ZNF227: variants seen among roughly 807,000 people sequenced by gnomAD.
The protein encoded by ZNF227 is zinc finger protein 227.
ZNF227 carries 12 observed loss-of-function variants against 13.2 expected under a neutral mutation model. The observed-to-expected ratio is 0.91, with a 90% confidence interval of 0.58 to 1.47. ZNF227 has a LOEUF of 1.47. Ranked by LOEUF, ZNF227 falls within the 40% of genes most tolerant of loss-of-function variation. The probability of loss-of-function intolerance (pLI) is 0.00; values close to 1 mark genes in which losing one functional copy is unlikely to be tolerated. For missense variants in ZNF227, 885 were observed against 967.5 expected (o/e 0.91, Z 1.13); for synonymous variants, 338 against 326.0 (o/e 1.04, Z -0.40).
chr19:44,220,026 C>T (rs1429993071), intron 3 of ZNF227, among the ~76,000 whole-genome samples: 4 of 151,796 alleles, frequency 2.6e-5, no homozygotes, highest in Non-Finnish European at 5.9e-5. Flanking sequence ...TGAGAACATG[C>T]AGCGTTTGGT....
intron 4 of ZNF227, 37 bp from the exon 5 acceptor site, chr19:44,229,696 G>T: frequency 6.9e-7 from 1 of 1,458,604 alleles, no homozygotes; most frequent in Non-Finnish European, 9.3e-7. Flanking sequence ...TTAGTTGTGT[G>T]TTCATCTTAA....
chr19:44,208,205 C>A (rs1218618162), upstream of ZNF227, among the ~76,000 whole-genome samples: 1 of 152,136 alleles, frequency 6.6e-6, no homozygotes. Flanking sequence ...CTACTTTTGA[C>A]CACTATGTAC....
intron 3 of ZNF227, among the ~76,000 whole-genome samples, chr19:44,223,737 TG>T (rs1387220278): frequency 1.3e-5 from 2 of 152,130 alleles, no homozygotes; most frequent in Non-Finnish European, 1.5e-5. Context: ...ATTAATTTTT[TG>T]AAGGGTTTTT....
intron 3 of ZNF227, among the ~76,000 whole-genome samples, chr19:44,224,514 T>C (rs1972890354): frequency 3.9e-5 from 6 of 152,206 alleles, no homozygotes; most frequent in Admixed American, 3.3e-4. Flanking sequence ...CCTTTACCAT[T>C]ATGTAATGGC....
rs200344779 is a variant in ZNF227, at chr19:44,228,572, G to A, written c.187G>A (p.Gly63Arg). ...VENFKNLVAV[G>R]HLPFQPDMVS... ...GAACTTCAAGAACCTGGTTGCAGTG[G>A]GTGAGGACAGGCACTCTCTGACCCT... Residue 63 changes from glycine to arginine, a missense_variant and splice_region_variant, in exon 4 of 6, where the codon GGG (glycine) becomes AGG (arginine). Gly to Arg is a moderately radical substitution (Grantham distance 125). Coordinates refer to ENST00000313040, the MANE Select transcript of ZNF227 (RefSeq NM_182490.3). 1 of 1,610,190 alleles carries A rather than the reference G, an allele frequency of 6.2e-7. No homozygotes were observed. Among genetic ancestry groups the A allele is most frequent in the Non-Finnish European group, 8.5e-7 (1 of 1,178,752 alleles).
Position 44,236,984 on chromosome 19 carries a change from C to G in ZNF227, c.*154C>G, listed in dbSNP as rs1053155206. 2 of 632,226 alleles carry G rather than the reference C, an allele frequency of 3.2e-6. No homozygotes were observed. The highest frequency in any genetic ancestry group is 5.3e-6 in the Non-Finnish European group (2 of 375,554). The allele number at this position is 632,226 out of a possible 1,614,324, so 39.2% of individuals were successfully genotyped here. On this transcript the variant is annotated 3_prime_UTR_variant, in exon 6 of 6. Coordinates refer to ENST00000313040, the MANE Select transcript of ZNF227 (RefSeq NM_182490.3). ...TAACAAATCCATCAAGATGATAACA[C>G]AGAACCATGAACAGGAATAGAACTC...
Position 44,237,082 on chromosome 19 carries a change from G to T in ZNF227, c.*252G>T, listed in dbSNP as rs11140. On this transcript the variant is annotated 3_prime_UTR_variant, in exon 6 of 6. Transcript: ENST00000313040. ...TTAATATAAATGATCACCTTTCATT[G>T]TGAATATATGCCTGAAGATAATGTG... 30,230 of 380,704 alleles carry T rather than the reference G, an allele frequency of 0.079. 4,612 individuals are homozygous for T. The highest frequency in any genetic ancestry group is 0.4 in the African/African-American group (19,398 of 48,538). The allele number at this position is 380,704 out of a possible 1,614,324, so 23.6% of individuals were successfully genotyped here.
chr19:44,228,418 TTGAGGTTACATG>T lies in ZNF227; in HGVS notation c.61-25_61-14del. 1 of 1,596,000 alleles carries T rather than the reference TTGAGGTTACATG, an allele frequency of 6.3e-7. No individual in the cohort carries two copies. Among genetic ancestry groups the T allele is most frequent in the East Asian group, 2.3e-5 (1 of 44,134 alleles). Reference sequence around the variant, plus strand: ...CTTCTAGTGAAGGTTGGTTGTAAGATTGAGGTTACATGTGTTTGATATTGTAGGAGGCTGTGA... The same window carrying T: ...CTTCTAGTGAAGGTTGGTTGTAAGATTGTTTGATATTGTAGGAGGCTGTGA... On this transcript the variant is annotated splice_polypyrimidine_tract_variant and intron_variant, in intron 3 of 5. Coordinates refer to ENST00000313040, the MANE Select transcript of ZNF227 (RefSeq NM_182490.3).
intron 2 of ZNF227, among the ~76,000 whole-genome samples, chr19:44,216,542 A>G (rs1971897779): frequency 1.3e-5 from 2 of 152,128 alleles, no homozygotes; most frequent in South Asian, 4.1e-4. Context: ...TCTTTTACCA[A>G]TTGTGTGAAA....
chr19:44,230,953 A>ATATATATATATATATATATATC, intron 5 of ZNF227, among the ~76,000 whole-genome samples: 1 of 129,208 alleles, frequency 7.7e-6, no homozygotes, highest in African/African-American at 3.1e-5. Context: ...ATATATATAT[A>ATATATATATATATATATATATC]TCTTAGCCAG....
intron 3 of ZNF227, among the ~76,000 whole-genome samples, chr19:44,222,691 C>A (rs1423934772): frequency 1.3e-5 from 2 of 149,426 alleles, no homozygotes; most frequent in Non-Finnish European, 3.0e-5. Flanking sequence ...TCTAGATATA[C>A]AATCATGTCA....
intron 5 of ZNF227, among the ~76,000 whole-genome samples, chr19:44,230,908 C>CAAAAAAAAA (rs561975781): frequency 5.3e-5 from 3 of 57,110 alleles, no homozygotes; most frequent in African/African-American, 4.6e-4. Context: ...TCCATCTCTA[C>CAAAAAAAAA]AAAAAAAAAA....
chr19:44,235,222 G>A lies in ZNF227; in HGVS notation c.792G>A (p.Arg264=). ...GAAGGGGCTTCAGTTATAGCCCAAGGCTTCCCCTTCATCCGAATGTTCATA... is the reference window on the plus strand; with the variant it reads ...GAAGGGGCTTCAGTTATAGCCCAAGACTTCCCCTTCATCCGAATGTTCATA... ...ECGRGFSYSP[R]LPLHPNVHTG... is the part of the protein sequence containing the mutation. The change falls in exon 6 of 6, where the codon AGG becomes AGA. Residue 264 remains arginine (R), a synonymous_variant. Transcript: ENST00000313040. 3 of 1,613,926 alleles carry A rather than the reference G, an allele frequency of 1.9e-6. No homozygotes were observed. Among genetic ancestry groups the A allele is most frequent in the Non-Finnish European group, 2.5e-6 (3 of 1,179,956 alleles).
In ZNF227 at chr19:44,234,795, A is replaced by C. The variant is rs934046878; in HGVS notation, c.365A>C (p.Gln122Pro). Residue 122 changes from glutamine to proline, a missense_variant, in exon 6 of 6, where the codon CAG becomes CCG. Physicochemically the swap from Gln to Pro is moderately conservative, Grantham distance 76. Coordinates refer to ENST00000313040, the MANE Select transcript of ZNF227 (RefSeq NM_182490.3). ...QELSCWQIWK[Q>P]VASELTRCLQ... Reference sequence around the variant, plus strand: ...CTGTCCTGCTGGCAAATCTGGAAACAGGTTGCAAGTGAATTAACCAGGTGT... The same window carrying C: ...CTGTCCTGCTGGCAAATCTGGAAACCGGTTGCAAGTGAATTAACCAGGTGT... The C allele has an allele frequency of 6.2e-7, 1 of 1,613,842 alleles. No homozygotes were observed. The highest frequency in any genetic ancestry group is 8.5e-7 in the Non-Finnish European group (1 of 1,179,986).
chr19:44,230,653 A>G (rs1032465143), intron 5 of ZNF227, among the ~76,000 whole-genome samples: 16 of 151,938 alleles, frequency 1.1e-4, no homozygotes, highest in Non-Finnish European at 2.2e-4. Context: ...GAGGCCTTCT[A>G]TGTTTAAATT....
intron 4 of ZNF227, 60 bp downstream of exon 4, chr19:44,228,632 A>G: frequency 6.5e-7 from 1 of 1,535,646 alleles, no homozygotes; most frequent in Non-Finnish European, 8.7e-7. Flanking sequence ...CTTTGCTCTC[A>G]GGTGTTTAAG....
intron 3 of ZNF227, among the ~76,000 whole-genome samples, chr19:44,224,695 C>G (rs1972911128): frequency 6.6e-6 from 1 of 152,114 alleles, no homozygotes; most frequent in African/African-American, 2.4e-5. Flanking sequence ...GAATACAGCA[C>G]ACTGATGGGT....
At chr19:44,219,371 A>G (rs1292630442) in intron 3 of ZNF227, among the ~76,000 whole-genome samples, 1 of 152,240 alleles carries the variant, frequency 6.6e-6, no homozygotes, top group Admixed American at 6.5e-5. Context: ...GGTAAGAGAC[A>G]GCAGCAAACC....
rs987245613 is a variant in ZNF227 at position 44,237,258 on chromosome 19, A to T, written c.*428A>T. The T allele has an allele frequency of 7.5e-5, 12 of 160,654 alleles. No homozygotes were observed. Among genetic ancestry groups the T allele is most frequent in the Admixed American group, 4.7e-4 (8 of 16,850 alleles). 10.0% of individuals were successfully genotyped at this position (160,654 alleles called of 1,614,324 possible). A position where few individuals can be genotyped will look rare whatever the true frequency, so the allele number is the denominator to read the frequency against. The stretch of plus-strand genomic sequence containing the variant: ...ATGAAAAATGAATAAAATTACTAAA[A>T]ATTTTCTGTAGCTAAGGACTCATGA... On this transcript the variant is annotated 3_prime_UTR_variant, in exon 6 of 6. Transcript: ENST00000313040.
Sources: allele counts gnomAD v4.1 joint callset (sites outside exome capture counted in the v4.1 genomes callset), GRCh38; gene constraint gnomAD v4.1.1; transcripts MANE v1.5; gene names NCBI Gene and HGNC (gene_info 2026-07-23, HGNC 2026-07-21).